Variants in CRISP1 observed in about 807,000 individuals in gnomAD.
The protein encoded by CRISP1 is cysteine rich secretory protein 1.
Under a neutral mutation model 33.1 loss-of-function variants are expected in CRISP1, and 44 were observed. The ratio of observed to expected loss-of-function variants is 1.33; its 90% CI spans 1.05 to 1.71. CRISP1 has a LOEUF of 1.71. CRISP1 is among the 40% of genes most tolerant of loss of function. CRISP1 has a pLI of 0.00. For synonymous variants in CRISP1, 103 were observed against 98.7 expected, an observed-to-expected ratio of 1.04 and a Z score of -0.26; for missense variants, 390 against 301.2, an observed-to-expected ratio of 1.29 and a Z score of -2.18.
upstream of CRISP1, among the ~76,000 whole-genome samples, chr6:49,867,372 G>C (rs1411633064): frequency 6.6e-6 from 1 of 151,978 alleles, no homozygotes; most frequent in Non-Finnish European, 1.5e-5. Flanking sequence ...GTCATAGCTT[G>C]CTGGCCTCTT....
At chr6:49,851,846 C>T (rs1771351134) in intron 3 of CRISP1, among the ~76,000 whole-genome samples, 155 bp downstream of exon 3, 1 of 152,166 alleles carries the variant, frequency 6.6e-6, no homozygotes, top group Admixed American at 6.5e-5. Flanking sequence ...CAGAAAGTTA[C>T]TTACCTTCTC....
At chr6:49,842,987 GT>G (rs1771043476) in intron 5 of CRISP1, among the ~76,000 whole-genome samples, 1 of 152,124 alleles carries the variant, frequency 6.6e-6, no homozygotes, top group Non-Finnish European at 1.5e-5. Context: ...GATAAAACGT[GT>G]TCTATTTTGA....
intron 1 of CRISP1, among the ~76,000 whole-genome samples, chr6:49,866,077 G>T (rs1194001817): frequency 6.6e-6 from 1 of 152,032 alleles, no homozygotes; most frequent in Non-Finnish European, 1.5e-5. Flanking sequence ...AATTCTTTTG[G>T]CAGCATTTTC....
chr6:49,865,382 A>AT (rs571187395), intron 1 of CRISP1, among the ~76,000 whole-genome samples: 34 of 152,260 alleles, frequency 2.2e-4, no homozygotes, highest in African/African-American at 8.2e-4. Flanking sequence ...GTACCATCTT[A>AT]TTTTTACAAA....
chr6:49,858,901 T>G (rs1184324079), intron 1 of CRISP1, among the ~76,000 whole-genome samples: 1 of 151,738 alleles, frequency 6.6e-6, no homozygotes, highest in African/African-American at 2.4e-5. Flanking sequence ...ATAATTAAAC[T>G]TCAAATAGAC....
chr6:49,839,628 T>C (rs887685386), intron 6 of CRISP1, among the ~76,000 whole-genome samples: 4 of 152,186 alleles, frequency 2.6e-5, no homozygotes, highest in Non-Finnish European at 5.9e-5. Flanking sequence ...AAAAGAAGAT[T>C]ATTACTAAAT....
intron 3 of CRISP1, among the ~76,000 whole-genome samples, chr6:49,851,205 C>T (rs1771336180): frequency 6.6e-6 from 1 of 152,104 alleles, no homozygotes; most frequent in African/African-American, 2.4e-5. Context: ...TCATCCTCTT[C>T]ATCATTTGCA....
At chr6:49,838,828 A>C (rs1378037860) in intron 6 of CRISP1, among the ~76,000 whole-genome samples, 2 of 152,174 alleles carry the variant, frequency 1.3e-5, no homozygotes, top group African/African-American at 4.8e-5. Flanking sequence ...AAGGGGACTC[A>C]CAAGCAAGAG....
chr6:49,857,242 CACAACAGTGCCTCTA>C, intron 2 of CRISP1, 78 bp downstream of exon 2: 2 of 1,251,898 alleles, frequency 1.6e-6, no homozygotes, highest in Admixed American at 3.8e-5. Context: ...GTAGTGGCCT[CACAACAGTGCCTCTA>C]ACATGGTGAA....
intron 2 of CRISP1, 63 bp from the exon 3 acceptor site, chr6:49,852,192 T>G (rs1771368982): frequency 6.5e-7 from 1 of 1,529,418 alleles, no homozygotes; most frequent in Admixed American, 1.8e-5. Context: ...ACATATATTT[T>G]GCAGACCTAT....
intron 2 of CRISP1, among the ~76,000 whole-genome samples, chr6:49,855,845 ATAATACT>A (rs1446946073): frequency 6.6e-6 from 1 of 152,224 alleles, no homozygotes; most frequent in Non-Finnish European, 1.5e-5. Context: ...AAAAGAAAGC[ATAATACT>A]ACTTTTGTTG....
intron 1 of CRISP1, among the ~76,000 whole-genome samples, chr6:49,865,841 A>G (rs1011051228): frequency 2.0e-5 from 3 of 152,190 alleles, no homozygotes; most frequent in Non-Finnish European, 4.4e-5. Context: ...AGACTGCAGA[A>G]AGAAGTTTGG....
chr6:49,848,237 C>T lies in CRISP1; in HGVS notation c.258G>A (p.Glu86=). 1 of 1,601,784 alleles carries T rather than the reference C, an allele frequency of 6.2e-7. No homozygotes were observed. The highest frequency in any genetic ancestry group is 8.5e-7 in the Non-Finnish European group (1 of 1,175,180). ...RIFSKYCDMT[E]SNPLERRLPN... is the part of the protein sequence containing the mutation. ...GAAGTCTCCTCTCAAGGGGGTTGCT[C>T]TCTGTCATATCACAATACTTTGAAA... Residue 86 remains glutamate (E), a synonymous_variant, in exon 4 of 8, where the codon GAG becomes GAA. Coordinates refer to ENST00000335847, the MANE Select transcript of CRISP1 (RefSeq NM_001131.3).
chr6:49,837,043 GTTTTC>G (rs1770823450), intron 7 of CRISP1, among the ~76,000 whole-genome samples: 1 of 151,438 alleles, frequency 6.6e-6, no homozygotes, highest in South Asian at 2.1e-4. Flanking sequence ...GTAATCCGTT[GTTTTC>G]TTTTATCTGT....
intron 1 of CRISP1, among the ~76,000 whole-genome samples, chr6:49,860,524 G>C (rs1273189436): frequency 1.3e-5 from 2 of 152,046 alleles, no homozygotes; most frequent in Non-Finnish European, 2.9e-5. Context: ...ATGACCACTG[G>C]GTCAAGGAAG....
At chr6:49,858,211 T>A (rs928611562) in intron 1 of CRISP1, among the ~76,000 whole-genome samples, 1 of 152,128 alleles carries the variant, frequency 6.6e-6, no homozygotes, top group African/African-American at 2.4e-5. Flanking sequence ...TCATTATGAG[T>A]CAGACAAATC....
Position 49,851,850 on chromosome 6 carries a change from C to A in CRISP1, c.195+151G>T, listed in dbSNP as rs949100723. ...CATATAATCATCAGAAAGTTACTTA[C>A]CTTCTCTGGACCTCTGTTTCTTCTG... On this transcript the variant is annotated intron_variant, in intron 3 of 7. Coordinates refer to ENST00000335847, the MANE Select transcript of CRISP1 (RefSeq NM_001131.3). 6.8e-6 allele frequency: 6 copies of A among 886,020 alleles called. No homozygotes were observed. In the Admixed American group the frequency reaches 1.7e-4, roughly 24 times the overall value. 54.9% of individuals were successfully genotyped at this position (886,020 alleles called of 1,614,324 possible). A position where few individuals can be genotyped will look rare whatever the true frequency, so the allele number is the denominator to read the frequency against.
chr6:49,852,222 T>C (rs1443844398), intron 2 of CRISP1, 93 bp from the exon 3 acceptor site: 2 of 1,163,108 alleles, frequency 1.7e-6, no homozygotes, highest in Non-Finnish European at 2.4e-6. Flanking sequence ...AAATTTATAG[T>C]TTATATTAAA....
rs543756477 is a variant in CRISP1 at position 49,851,862 on chromosome 6, C to T, written c.195+139G>A. ...AGAAAGTTACTTACCTTCTCTGGAC[C>T]TCTGTTTCTTCTGCTATGTAAAAGA... is the stretch of plus-strand genomic sequence containing the variant. On this transcript the variant is annotated intron_variant, in intron 3 of 7. Transcript: ENST00000335847. The T allele has an allele frequency of 1.0e-5, 10 of 983,530 alleles. No individual in the cohort carries two copies. The East Asian group carries it at 1.9e-4, about 18-fold the overall frequency. The allele number at this position is 983,530 out of a possible 1,614,324, so 60.9% of individuals were successfully genotyped here.
Sources: allele counts gnomAD v4.1 joint callset (sites outside exome capture counted in the v4.1 genomes callset), GRCh38; gene constraint gnomAD v4.1.1; transcripts MANE v1.5; gene names NCBI Gene and HGNC (gene_info 2026-07-23, HGNC 2026-07-21).